The following PCDHGA2 variants were observed in gnomAD, a reference collection of about 807,000 sequenced individuals.
PCDHGA2 encodes the protein protocadherin gamma-A2.
A neutral mutation model predicts 59.2 loss-of-function variants in PCDHGA2; 40 were observed. That is an observed-to-expected ratio of 0.68 (90% CI 0.52 to 0.88). The LOEUF is 0.88. Among genes scored for constraint, PCDHGA2 ranks in the 40% least tolerant of loss-of-function variants. The probability of loss-of-function intolerance (pLI) is 0.00; values close to 1 mark genes in which losing one functional copy is unlikely to be tolerated. For missense variants in PCDHGA2, 1,226 were observed against 1,204.0 expected, an observed-to-expected ratio of 1.02 and a Z score of -0.27; for synonymous variants, 560 against 526.0, an observed-to-expected ratio of 1.06 and a Z score of -0.89.
At chr5:141,500,822 T>A (rs1377955680) in intron 2 of PCDHGA2, among the ~76,000 whole-genome samples, 1 of 152,240 alleles carries the variant, frequency 6.6e-6, no homozygotes, top group African/African-American at 2.4e-5. Context: ...TACATATTAT[T>A]TTTCTAATGC....
chr5:141,485,549 G>T lies in PCDHGA2; in HGVS notation c.2425-9258G>T. 1 of 1,614,030 alleles carries T rather than the reference G, an allele frequency of 6.2e-7. No homozygotes were observed. Among genetic ancestry groups the T allele is most frequent in the Non-Finnish European group, 8.5e-7 (1 of 1,179,922 alleles). On this transcript the variant is annotated intron_variant, in intron 1 of 3. Coordinates refer to ENST00000394576, the MANE Select transcript of PCDHGA2 (RefSeq NM_018915.4). The surrounding 1 kb of genome is among the most constrained non-coding windows in gnomAD (Gnocchi z 5.7). Reference sequence around the variant, plus strand: ...CCGAGCAGAGGTAGAGATCGTAGATGTGAATGATCACGCCCCCCGTTTTCC... The same window carrying T: ...CCGAGCAGAGGTAGAGATCGTAGATTTGAATGATCACGCCCCCCGTTTTCC...
chr5:141,399,853 C>G, intron 1 of PCDHGA2: 1 of 1,612,978 alleles, frequency 6.2e-7, no homozygotes, highest in Non-Finnish European at 8.5e-7. Flanking sequence ...TATGGTGCCG[C>G]GCGCTGCAGA....
chr5:141,355,618 A>G (rs1759917068), intron 1 of PCDHGA2: 1 of 1,613,896 alleles, frequency 6.2e-7, no homozygotes, highest in Admixed American at 1.7e-5. Context: ...ACAGAGGGAA[A>G]TAAAAGTTGC....
chr5:141,384,784 G>T, intron 1 of PCDHGA2: 1 of 1,613,618 alleles, frequency 6.2e-7, no homozygotes, highest in Non-Finnish European at 8.5e-7. Flanking sequence ...GGTGCGCACG[G>T]CTCGGGCCCT....
At chr5:141,428,112 A>G (rs2097111373) in intron 1 of PCDHGA2, 1 of 1,607,642 alleles carries the variant, frequency 6.2e-7, no homozygotes, top group Non-Finnish European at 8.5e-7. Context: ...GCTGCAGGCC[A>G]TCGAGCCCGG....
intron 1 of PCDHGA2, chr5:141,356,817 C>T (rs553662641): frequency 1.2e-6 from 2 of 1,613,926 alleles, no homozygotes; most frequent in Admixed American, 3.3e-5. Flanking sequence ...ACAGTGGAGA[C>T]CCTCCACTCA....
intron 1 of PCDHGA2, among the ~76,000 whole-genome samples, chr5:141,438,606 A>G: frequency 3.6e-5 from 1 of 27,780 alleles, no homozygotes; most frequent in African/African-American, 2.7e-4. Flanking sequence ...ATATATATAT[A>G]TATATATATA....
intron 1 of PCDHGA2, among the ~76,000 whole-genome samples, chr5:141,353,275 A>G (rs1759233618): frequency 6.6e-6 from 1 of 152,266 alleles, no homozygotes; most frequent in South Asian, 2.1e-4. Flanking sequence ...CTATATTTTC[A>G]AGTCATTTTA....
intron 1 of PCDHGA2, among the ~76,000 whole-genome samples, chr5:141,449,579 ACT>A (rs370512396): frequency 0.052 from 7,360 of 141,924 alleles, 400 homozygotes; most frequent in African/African-American, 0.14. Flanking sequence ...ACAGAGCAAG[ACT>A]CTGTCTCAAA....
rs751921344 is a variant in PCDHGA2, at chr5:141,347,052, C to CTCCT, written c.2424+5674_2424+5677dup. ...CTTCCTTCCTTCCTCTCTCTCTTTC[C>CTCCT]TCCTTCCTTCCTTCCTTCCTCTCTC... On this transcript the variant is annotated intron_variant, in intron 1 of 3. Coordinates refer to ENST00000394576, the MANE Select transcript of PCDHGA2 (RefSeq NM_018915.4). Among the ~76,000 whole-genome samples the CTCCT allele has an allele frequency of 6.4e-5, 9 of 140,360 alleles. No homozygotes were observed. The South Asian group carries it at 6.8e-4, about 11-fold the overall frequency. 92.1% of individuals were successfully genotyped at this position (140,360 alleles called of 152,430 possible).
chr5:141,428,169 G>A (rs758370904), intron 1 of PCDHGA2: 1 of 1,540,076 alleles, frequency 6.5e-7, no homozygotes, highest in Non-Finnish European at 8.9e-7. Flanking sequence ...GTTGCTGTGC[G>A]TGACGGAGGA....
intron 1 of PCDHGA2, chr5:141,376,616 G>C: frequency 7.1e-7 from 1 of 1,413,872 alleles, no homozygotes; most frequent in Non-Finnish European, 9.6e-7. Flanking sequence ...AACCTCTTTT[G>C]GTACAGGAAG....
chr5:141,395,819 T>A (rs2093315125), intron 1 of PCDHGA2: 1 of 152,210 alleles, frequency 6.6e-6, no homozygotes, highest in Admixed American at 6.5e-5. Context: ...ATGAACAAAC[T>A]TTAAAGATGG....
Position 141,341,261 on chromosome 5 carries a change from C to G in PCDHGA2, c.2290C>G (p.Arg764Gly). The G allele has an allele frequency of 6.2e-7, 1 of 1,614,198 alleles. No individual in the cohort carries two copies. Among genetic ancestry groups the G allele is most frequent in the Non-Finnish European group, 8.5e-7 (1 of 1,180,038 alleles). ...CGAGGTCTCCCTCACTGCGGACTCG[C>G]GGAAGAGCCACCTGATTTTCCCCCA... ...SHEVSLTADSRKSHLIFPQPN... is the reference protein window; with the variant it reads ...SHEVSLTADSGKSHLIFPQPN... The change falls in exon 1 of 4, where the codon CGG becomes GGG. Residue 764 changes from arginine (R) to glycine (G), a missense_variant. Arg to Gly is a moderately radical substitution (Grantham distance 125). Transcript: ENST00000394576.
At chr5:141,382,129 C>T (rs1174612163) in intron 1 of PCDHGA2, among the ~76,000 whole-genome samples, 2 of 152,012 alleles carry the variant, frequency 1.3e-5, no homozygotes, top group African/African-American at 2.4e-5. Flanking sequence ...CACCTGGCCC[C>T]CCCTCTCATT....
chr5:141,351,972 T>C, intron 1 of PCDHGA2: 1 of 1,612,468 alleles, frequency 6.2e-7, no homozygotes, highest in Non-Finnish European at 8.5e-7. Flanking sequence ...TCCGCCCTCT[T>C]CGATATGGTG....
chr5:141,480,390 T>C (rs753766736), intron 1 of PCDHGA2, among the ~76,000 whole-genome samples: 14 of 151,350 alleles, frequency 9.3e-5, no homozygotes, highest in Non-Finnish European at 1.9e-4. Flanking sequence ...ACTTCAACCA[T>C]GGCAATAGAG....
At chr5:141,436,486 C>A (rs2097826645) in intron 1 of PCDHGA2, among the ~76,000 whole-genome samples, 1 of 152,152 alleles carries the variant, frequency 6.6e-6, no homozygotes. Flanking sequence ...AGAAGGATAG[C>A]AGCTTTGCAA....
At position 141,339,978 on chromosome 5, in the gene PCDHGA2, C is replaced by A. The variant is rs750684528; in HGVS notation, c.1007C>A (p.Thr336Lys). The A allele has an allele frequency of 6.2e-7, 1 of 1,614,066 alleles. No homozygotes were observed. Among genetic ancestry groups the A allele is most frequent in the Non-Finnish European group, 8.5e-7 (1 of 1,179,950 alleles). ...CTAACCAGAGCGAAGGTTATCGTCA[C>A]GGTTCTGGATGTGAATGACAATGCC... ...GLLTRAKVIVTVLDVNDNAPE... is the reference protein window; with the variant it reads ...GLLTRAKVIVKVLDVNDNAPE... Residue 336 changes from threonine (T) to lysine (K), a missense_variant, in exon 1 of 4, where the codon ACG (threonine) becomes AAG (lysine). Thr to Lys is a moderately conservative substitution (Grantham distance 78). Transcript: ENST00000394576.
Sources: gnomAD v4.1 joint callset for allele counts (sites outside exome capture counted in the v4.1 genomes callset) on GRCh38, gnomAD v4.1.1 for gene constraint, Gnocchi (gnomAD v3.1) non-coding constraint, MANE v1.5 for transcripts, NCBI Gene and HGNC (gene_info 2026-07-23, HGNC 2026-07-21) for gene names.